Variants in URI1 observed in about 807,000 individuals in gnomAD.
URI1 encodes unconventional prefoldin RPB5 interactor 1.
URI1 carries 39 observed loss-of-function variants against 60.2 expected under a neutral mutation model. That is an observed-to-expected ratio of 0.65 (90% CI 0.50 to 0.85). The LOEUF (loss-of-function observed/expected upper bound fraction) is 0.85. Among genes scored for constraint, URI1 ranks in the 40% least tolerant of loss-of-function variants. URI1 has a pLI of 0.00. For synonymous variants in URI1, 251 were observed against 236.8 expected, an observed-to-expected ratio of 1.06 and a Z score of -0.55; for missense variants, 691 against 665.9, an observed-to-expected ratio of 1.04 and a Z score of -0.42.
In URI1 at chr19:29,942,272, G is replaced by T. The variant is rs2055035908; in HGVS notation, c.-276G>T. ...AGGCGCGGCCGCCACGCGACGCCTG[G>T]CTGGGCCCGCACCGGAGAGGCGTCT... On this transcript the variant is annotated 5_prime_UTR_variant, in exon 1 of 11. Transcript: ENST00000392271. 4.1e-6 allele frequency: 4 copies of T among 984,788 alleles called. No individual in the cohort carries two copies. The highest frequency in any genetic ancestry group is 4.8e-6 in the Non-Finnish European group (4 of 829,656). The allele number at this position is 984,788 out of a possible 1,614,324, so 61.0% of individuals were successfully genotyped here. A position where few individuals can be genotyped will look rare whatever the true frequency, so the allele number is the denominator to read the frequency against.
intron 1 of URI1, among the ~76,000 whole-genome samples, chr19:29,932,366 G>A (rs1254952785): frequency 6.6e-6 from 1 of 152,076 alleles, no homozygotes; most frequent in African/African-American, 2.4e-5. Flanking sequence ...ACCCAGGCTG[G>A]AGTGCAGTGG....
At chr19:29,995,041 C>G (rs2055794294) in intron 4 of URI1, among the ~76,000 whole-genome samples, 1 of 152,060 alleles carries the variant, frequency 6.6e-6, no homozygotes, top group South Asian at 2.1e-4. Context: ...CTCAGTCTCC[C>G]AAAGTGCTGG....
intron 2 of URI1, among the ~76,000 whole-genome samples, chr19:29,982,266 G>T (rs995776307): frequency 1.3e-5 from 2 of 152,092 alleles, no homozygotes; most frequent in East Asian, 3.8e-4. Context: ...CAGTATGTCC[G>T]CATTTTTATT....
intron 1 of URI1, chr19:29,956,230 C>G (rs948054812): frequency 4.1e-6 from 2 of 485,384 alleles, no homozygotes. Flanking sequence ...ATCCACCTGT[C>G]TTCGGCCTCC....
chr19:29,956,517 T>A, intron 1 of URI1: 1 of 1,571,412 alleles, frequency 6.4e-7, no homozygotes, highest in East Asian at 2.2e-5. Flanking sequence ...GAATCAAAGC[T>A]GCTGAATTTG....
intron 2 of URI1, among the ~76,000 whole-genome samples, chr19:29,972,351 A>G (rs911074582): frequency 7.9e-5 from 12 of 152,102 alleles, no homozygotes; most frequent in African/African-American, 2.9e-4. Context: ...TTCGCCTTTC[A>G]TTATACATTC....
At chr19:29,924,866 C>T (rs1292154933) in intron 1 of URI1, among the ~76,000 whole-genome samples, 1 of 152,146 alleles carries the variant, frequency 6.6e-6, no homozygotes, top group Non-Finnish European at 1.5e-5. Flanking sequence ...GATGAAGTCT[C>T]CCTTTGTTGC....
chr19:29,986,405 C>A lies in URI1; in HGVS notation c.355C>A (p.His119Asn), dbSNP rs1452789507. Residue 119 changes from histidine (H) to asparagine (N), a missense_variant, in exon 4 of 11, where the codon CAC becomes AAC. His to Asn is a moderately conservative substitution (Grantham distance 68, BLOSUM62 1). Transcript: ENST00000392271. ...SAKQAVGLVEHRKEHVRKTID... is the reference protein window; with the variant it reads ...SAKQAVGLVENRKEHVRKTID... ...AAAGCAGGCTGTAGGTTTAGTTGAG[C>A]ACCGGAAAGAACGTAGGTACCCATT... 16 of 1,607,142 alleles carry A rather than the reference C, an allele frequency of 1.0e-5. No homozygotes were observed. The highest frequency in any genetic ancestry group is 1.3e-5 in the Non-Finnish European group (15 of 1,178,676).
At chr19:29,970,311 C>T (rs1219571824) in intron 1 of URI1, among the ~76,000 whole-genome samples, 2 of 151,718 alleles carry the variant, frequency 1.3e-5, no homozygotes, top group Non-Finnish European at 2.9e-5. Flanking sequence ...CCTAGTTTCT[C>T]TGTCTCTAAA....
intron 4 of URI1, among the ~76,000 whole-genome samples, chr19:30,002,129 A>G (rs2055886412): frequency 6.6e-6 from 1 of 152,062 alleles, no homozygotes; most frequent in African/African-American, 2.4e-5. Context: ...TATTCAGTAC[A>G]TATGAATATA....
intron 1 of URI1, among the ~76,000 whole-genome samples, chr19:29,969,151 A>G (rs565853875): frequency 1.5e-4 from 23 of 152,288 alleles, no homozygotes; most frequent in African/African-American, 5.5e-4. Flanking sequence ...CTGATATTCT[A>G]CACACTATAT....
At chr19:30,009,439 T>A in intron 8 of URI1, 86 bp downstream of exon 8, 1 of 1,229,572 alleles carries the variant, frequency 8.1e-7, no homozygotes, top group Non-Finnish European at 1.1e-6. Flanking sequence ...ATATTAACAA[T>A]CATTATCATT....
Position 29,962,402 on chromosome 19 carries a change from CTT to C in URI1, c.118-8773_118-8772del, listed in dbSNP as rs11331580. 3.3e-3 allele frequency among the ~76,000 whole-genome samples: 410 copies of C among 123,466 alleles called. 3 individuals are homozygous for C. Among genetic ancestry groups the C allele is most frequent in the African/African-American group, 5.0e-3 (167 of 33,242 alleles). The allele number at this position is 123,466 out of a possible 152,430, so 81.0% of individuals were successfully genotyped here. ...TAAATATAATATGTATTTATAGTAT[CTT>C]TTTTTTTTTTTTTTTTTACAATTCC... On this transcript the variant is annotated intron_variant, in intron 1 of 10. Transcript: ENST00000392271.
At chr19:29,964,847 AT>A (rs1381442374) in intron 1 of URI1, among the ~76,000 whole-genome samples, 2 of 140,908 alleles carry the variant, frequency 1.4e-5, no homozygotes, top group Non-Finnish European at 3.1e-5. Context: ...CTGGGAGTAT[AT>A]TTTCCTGTTT....
rs184600126 is a variant in URI1 at position 29,986,277 on chromosome 19, A to G, written c.232-5A>G. 9 of 1,569,474 alleles carry G rather than the reference A, an allele frequency of 5.7e-6. No homozygotes were observed. In the African/African-American group the frequency reaches 1.3e-4, roughly 22 times the overall value. On this transcript the variant is annotated splice_polypyrimidine_tract_variant and splice_region_variant and intron_variant, in intron 3 of 10. Transcript: ENST00000392271. The stretch of plus-strand genomic sequence containing the variant: ...TTCCCTTTTTTCTTTTTTTTTAAAC[A>G]ATAGGTACCATTTGGCCCTTTTGCC...
At chr19:30,002,164 C>T (rs1319369828) in intron 4 of URI1, among the ~76,000 whole-genome samples, 1 of 151,980 alleles carries the variant, frequency 6.6e-6, no homozygotes, top group Admixed American at 6.6e-5. Flanking sequence ...AGACTCCTTT[C>T]ACGAATGATG....
chr19:30,008,873 G>T, intron 7 of URI1, 132 bp from the exon 8 acceptor site: 2 of 768,578 alleles, frequency 2.6e-6, no homozygotes, highest in Non-Finnish European at 1.9e-6. Context: ...TTTTGTTTTT[G>T]AACTTAGAAT....
At chr19:29,955,260 G>A (rs1046219913) in intron 1 of URI1, among the ~76,000 whole-genome samples, 2 of 151,832 alleles carry the variant, frequency 1.3e-5, no homozygotes, top group African/African-American at 2.4e-5. Flanking sequence ...CACCGTGCCC[G>A]GCCTCCTTAT....
At chr19:30,006,296 A>G (rs1377162866) in intron 6 of URI1, among the ~76,000 whole-genome samples, 2 of 152,098 alleles carry the variant, frequency 1.3e-5, no homozygotes, top group Non-Finnish European at 2.9e-5. Flanking sequence ...GTGAAATTGT[A>G]AAAAGTATTA....
Sources: allele counts gnomAD v4.1 joint callset (sites outside exome capture counted in the v4.1 genomes callset), GRCh38; gene constraint gnomAD v4.1.1; transcripts MANE v1.5; gene names NCBI Gene and HGNC (gene_info 2026-07-23, HGNC 2026-07-21).